MLXIP: variants seen among roughly 807,000 people sequenced by gnomAD.
The protein encoded by MLXIP is MLX-interacting protein.
A neutral mutation model predicts 87.2 loss-of-function variants in MLXIP; 30 were observed. That is an observed-to-expected ratio of 0.34 (90% CI 0.26 to 0.47). MLXIP has a LOEUF of 0.47. Ranked by LOEUF, MLXIP falls within the 20% of genes least tolerant of loss-of-function variation. The pLI is 1.00. For synonymous variants in MLXIP, 530 were observed against 514.0 expected (o/e 1.03, Z -0.42); for missense variants, 1,002 against 1,240.1 (o/e 0.81, Z 2.88).
rs139217449 is a variant in MLXIP at position 122,100,518 on chromosome 12, T to C, written c.413+21252T>C. 6.9e-3 allele frequency among the ~76,000 whole-genome samples: 1,053 copies of C among 152,322 alleles called. 11 individuals carry two copies. Among genetic ancestry groups the C allele is most frequent in the African/African-American group, 0.024 (984 of 41,568 alleles). On this transcript the variant is annotated intron_variant, in intron 1 of 16. Coordinates refer to ENST00000319080, the MANE Select transcript of MLXIP (RefSeq NM_014938.6). The stretch of plus-strand genomic sequence containing the variant: ...TAACTTTTGATTATTTAGAAACATA[T>C]TTTTGAATATTATTTATTGCATTAT...
chr12:122,116,053 AACACACACACACACAC>A (rs138548664), intron 1 of MLXIP, among the ~76,000 whole-genome samples: 6 of 147,220 alleles, frequency 4.1e-5, no homozygotes, highest in Admixed American at 2.7e-4. Context: ...TCCATCTGAA[AACACACACACACACAC>A]ACACACACAC....
chr12:122,139,498 C>G (rs539778703), intron 15 of MLXIP, among the ~76,000 whole-genome samples: 1 of 152,344 alleles, frequency 6.6e-6, no homozygotes, highest in African/African-American at 2.4e-5. Flanking sequence ...CACCCTGCCA[C>G]CGCTCTGCCT....
At chr12:122,104,494 G>A (rs539073461) in intron 1 of MLXIP, among the ~76,000 whole-genome samples, 7 of 150,722 alleles carry the variant, frequency 4.6e-5, no homozygotes, top group South Asian at 2.1e-4. Context: ...ATAGCAGTGC[G>A]TTTTCTCCAT....
chr12:122,129,097 C>G (rs750378993), intron 3 of MLXIP, 40 bp from the exon 4 acceptor site: 3 of 1,528,440 alleles, frequency 2.0e-6, no homozygotes, highest in Middle Eastern at 1.7e-4. Context: ...GCTAATCAAG[C>G]AGAGCCCCCT....
chr12:122,107,645 C>T (rs1378793911), intron 1 of MLXIP, among the ~76,000 whole-genome samples: 1 of 152,098 alleles, frequency 6.6e-6, no homozygotes, highest in Non-Finnish European at 1.5e-5. Context: ...TTCTTTTTTT[C>T]CCAAAGAAAG....
chr12:122,139,610 C>T (rs1953160898), intron 15 of MLXIP, among the ~76,000 whole-genome samples: 3 of 152,192 alleles, frequency 2.0e-5, no homozygotes, highest in South Asian at 4.1e-4. Context: ...ATCCCAGCTG[C>T]AGCTATCGGG....
chr12:122,094,654 GT>G, intron 1 of MLXIP, among the ~76,000 whole-genome samples: 1 of 148,772 alleles, frequency 6.7e-6, no homozygotes, highest in Middle Eastern at 3.5e-3. Context: ...TGTGTGGTGT[GT>G]TGGTGTGTGT....
chr12:122,139,046 C>T (rs1450999475), intron 15 of MLXIP, 108 bp downstream of exon 15: 3 of 1,488,388 alleles, frequency 2.0e-6, no homozygotes, highest in Non-Finnish European at 2.7e-6. Context: ...TGCCTGTCAC[C>T]AAGCTCCTCA....
rs1018528306 is a variant in MLXIP, at chr12:122,094,553, G to A, written c.413+15287G>A. Among the ~76,000 whole-genome samples, 163 of 142,892 alleles carry A rather than the reference G, an allele frequency of 1.1e-3. 1 individual carries two copies. Among genetic ancestry groups the A allele is most frequent in the African/African-American group, 4.1e-3 (159 of 38,466 alleles). 93.7% of individuals were successfully genotyped at this position (142,892 alleles called of 152,430 possible). A position where few individuals can be genotyped will look rare whatever the true frequency, so the allele number is the denominator to read the frequency against. ...GTGTGTGGTGTGTTGGTGTGTGGGT[G>A]TGTTTGCAGTGTGTGTTGGTGTGTG... On this transcript the variant is annotated intron_variant, in intron 1 of 16. Transcript: ENST00000319080.
At chr12:122,119,886 G>A (rs913428952) in intron 1 of MLXIP, among the ~76,000 whole-genome samples, 1 of 152,190 alleles carries the variant, frequency 6.6e-6, no homozygotes, top group African/African-American at 2.4e-5. Flanking sequence ...ATGGGCAGTT[G>A]TCAGCTTGCC....
At chr12:122,123,535 G>C (rs1952819059) in intron 1 of MLXIP, among the ~76,000 whole-genome samples, 1 of 152,136 alleles carries the variant, frequency 6.6e-6, no homozygotes, top group Non-Finnish European at 1.5e-5. Flanking sequence ...AAGAAGAGGG[G>C]ACCCTCAAAC....
At chr12:122,120,960 C>T (rs1023563180) in intron 1 of MLXIP, among the ~76,000 whole-genome samples, 4 of 149,536 alleles carry the variant, frequency 2.7e-5, no homozygotes, top group African/African-American at 9.9e-5. Flanking sequence ...ATGGGCTCCA[C>T]CACTGTTCTG....
At chr12:122,086,344 C>T (rs947876575) in intron 1 of MLXIP, among the ~76,000 whole-genome samples, 2 of 152,132 alleles carry the variant, frequency 1.3e-5, no homozygotes, top group Non-Finnish European at 2.9e-5. Flanking sequence ...CCACCCCGGG[C>T]TTAAGATTGA....
chr12:122,135,300 C>T lies in MLXIP; in HGVS notation c.1809C>T (p.Thr603=), dbSNP rs775366952. ...PLKREGMLAS[T]VSQSNVVIAP... is the part of the protein sequence containing the mutation. ...AGAGAGAAGGGATGTTGGCCTCCACCGTGTCCCAGTCCAACGTGGTCATTG... is the reference window on the plus strand; with the variant it reads ...AGAGAGAAGGGATGTTGGCCTCCACTGTGTCCCAGTCCAACGTGGTCATTG... Residue 603 remains threonine (T), a synonymous_variant, in exon 10 of 17, where the codon ACC becomes ACT. Coordinates refer to ENST00000319080, the MANE Select transcript of MLXIP (RefSeq NM_014938.6). The surrounding 1 kb of genome is among the most constrained non-coding windows in gnomAD (Gnocchi z 5.3). 18 of 1,613,574 alleles carry T rather than the reference C, an allele frequency of 1.1e-5. No individual in the cohort carries two copies. The highest frequency in any genetic ancestry group is 8.8e-5 in the South Asian group (8 of 91,086).
intron 1 of MLXIP, among the ~76,000 whole-genome samples, chr12:122,107,265 G>A (rs1239366422): frequency 1.3e-5 from 2 of 152,072 alleles, no homozygotes; most frequent in African/African-American, 4.8e-5. Context: ...CAATTCCTGT[G>A]TAAGGGCTAA....
chr12:122,135,267 G>A lies in MLXIP; in HGVS notation c.1776G>A (p.Gly592=), dbSNP rs1361283496. 7.4e-6 allele frequency: 12 copies of A among 1,613,518 alleles called. No individual in the cohort carries two copies. The highest frequency in any genetic ancestry group is 1.3e-5 in the African/African-American group (1 of 74,932). Residue 592 remains glycine, a synonymous_variant, in exon 10 of 17, where the codon GGG becomes GGA. Transcript: ENST00000319080. The surrounding 1 kb of genome is among the most constrained non-coding windows in gnomAD (Gnocchi z 5.3). ...GQPQAVIMTS[G]PLKREGMLAS... ...CACAAGCGGTGATCATGACGTCAGG[G>A]CCTCTGAAGAGAGAAGGGATGTTGG...
intron 1 of MLXIP, among the ~76,000 whole-genome samples, chr12:122,109,554 C>A (rs924936204): frequency 5.9e-5 from 9 of 152,240 alleles, no homozygotes; most frequent in Admixed American, 1.3e-4. Context: ...GTAATCCGTT[C>A]ATACGTCTCA....
rs1953222096 is a variant in MLXIP, at chr12:122,142,280, G to T, written c.*468G>T. Reference sequence around the variant, plus strand: ...TGCTCCACTCTCTGGTCTGCCCGTGGGGCAGTTGGAAGGCGTCTTTCTTTC... The same window carrying T: ...TGCTCCACTCTCTGGTCTGCCCGTGTGGCAGTTGGAAGGCGTCTTTCTTTC... On this transcript the variant is annotated 3_prime_UTR_variant, in exon 17 of 17. Coordinates refer to ENST00000319080, the MANE Select transcript of MLXIP (RefSeq NM_014938.6). 4.3e-6 allele frequency: 3 copies of T among 691,510 alleles called. No individual in the cohort carries two copies. The African/African-American group carries it at 5.3e-5, about 12-fold the overall frequency. 42.8% of individuals were successfully genotyped at this position (691,510 alleles called of 1,614,324 possible). A position where few individuals can be genotyped will look rare whatever the true frequency, so the allele number is the denominator to read the frequency against.
In MLXIP at chr12:122,137,701, A is replaced by G; in HGVS notation, c.2154+111A>G. ...ACCTCAGACCCAGCCAGAGCTGCCC[A>G]GGCAGGGGTGGATCAGAAATGGGCT... On this transcript the variant is annotated intron_variant, in intron 12 of 16. Transcript: ENST00000319080. This position sits in a 1 kb window ranked among gnomAD's most constrained non-coding sequence, Gnocchi z 4.1. 6.6e-7 allele frequency: 1 copy of G among 1,503,958 alleles called. No homozygotes were observed. The highest frequency in any genetic ancestry group is 9.0e-7 in the Non-Finnish European group (1 of 1,112,134). 93.2% of individuals were successfully genotyped at this position (1,503,958 alleles called of 1,614,324 possible).
Sources: allele counts gnomAD v4.1 joint callset (sites outside exome capture counted in the v4.1 genomes callset), GRCh38; gene constraint gnomAD v4.1.1; non-coding constraint Gnocchi (gnomAD v3.1); transcripts MANE v1.5; gene names NCBI Gene and HGNC (gene_info 2026-07-23, HGNC 2026-07-21).